Variants in LRRC37A2 observed in about 807,000 individuals in gnomAD.
LRRC37A2 encodes the protein leucine rich repeat containing 37 member A2.
Under a neutral mutation model 68.8 loss-of-function variants are expected in LRRC37A2, and 9 were observed. The ratio of observed to expected loss-of-function variants is 0.13; its 90% CI spans 0.08 to 0.23. The LOEUF (loss-of-function observed/expected upper bound fraction) is 0.23, where lower values mean the gene tolerates loss of function less well. LRRC37A2 is among the 10% of genes least tolerant of loss of function. The pLI is 1.00. For synonymous variants in LRRC37A2, 63 were observed against 367.6 expected (o/e 0.17, Z 9.48); for missense variants, 168 against 950.4 (o/e 0.18, Z 10.82).
At chr17:46,833,000 G>T in the LRRC37A2 span, 1 of 239,758 alleles carries the variant, frequency 4.2e-6, no homozygotes, top group Non-Finnish European at 8.3e-6. Flanking sequence ...GTGGGAACAG[G>T]CCCCTTTAGG....
At chr17:46,760,277 G>A in the LRRC37A2 span, among the ~76,000 whole-genome samples, 638 of 151,904 alleles carry the variant, frequency 4.2e-3, 4 homozygotes, top group African/African-American at 0.014. Context: ...CTAATCATAC[G>A]ATTACAAATG....
At chr17:46,825,838 A>G in the LRRC37A2 span, among the ~76,000 whole-genome samples, 2,597 of 152,344 alleles carry the variant, frequency 0.017, 85 homozygotes, top group African/African-American at 0.06. Flanking sequence ...AGCCTGGCCA[A>G]TGTGGCAAAA....
chr17:47,038,195 A>T, the LRRC37A2 span, among the ~76,000 whole-genome samples: 1 of 152,066 alleles, frequency 6.6e-6, no homozygotes, highest in African/African-American at 2.4e-5. Context: ...AGTCACAGCT[A>T]CTCTGGTGGC....
At chr17:47,019,366 T>C in the LRRC37A2 span, 1 of 1,610,462 alleles carries the variant, frequency 6.2e-7, no homozygotes, top group Non-Finnish European at 8.5e-7. Flanking sequence ...GACCTGGAGC[T>C]TACCATAACT....
chr17:46,734,912 G>A, the LRRC37A2 span, among the ~76,000 whole-genome samples: 2 of 152,090 alleles, frequency 1.3e-5, no homozygotes, highest in South Asian at 2.1e-4. Context: ...TTAGTCGAAT[G>A]TGGTGGTGAG....
At chr17:46,849,072 G>A in the LRRC37A2 span, among the ~76,000 whole-genome samples, 1 of 152,208 alleles carries the variant, frequency 6.6e-6, no homozygotes, top group Non-Finnish European at 1.5e-5. Flanking sequence ...AAGCCTCCAT[G>A]GGCAAGCTGG....
At chr17:46,765,605 T>G in the LRRC37A2 span, among the ~76,000 whole-genome samples, 1 of 152,204 alleles carries the variant, frequency 6.6e-6, no homozygotes, top group Non-Finnish European at 1.5e-5. Context: ...AACGACTCTG[T>G]CCCCTGCCAT....
the LRRC37A2 span, chr17:46,940,461 G>C: frequency 6.2e-7 from 1 of 1,610,038 alleles, no homozygotes; most frequent in Non-Finnish European, 8.5e-7. Flanking sequence ...ATTACACACA[G>C]CACTGCTGCG....
At chr17:46,936,934 TTCTC>T in the LRRC37A2 span, 3 of 477,224 alleles carry the variant, frequency 6.3e-6, no homozygotes, top group Non-Finnish European at 8.2e-6. Context: ...CTTTCCTTGT[TTCTC>T]TCAGTTGCTC....
the LRRC37A2 span, among the ~76,000 whole-genome samples, chr17:46,866,972 C>T: frequency 6.6e-6 from 1 of 152,332 alleles, no homozygotes; most frequent in East Asian, 1.9e-4. Flanking sequence ...CTCTTGCCTC[C>T]TCCTCACCCC....
the LRRC37A2 span, among the ~76,000 whole-genome samples, chr17:46,973,361 C>T: frequency 1.4e-3 from 212 of 152,196 alleles, 2 homozygotes; most frequent in East Asian, 0.012. Context: ...GGGGGTCCCA[C>T]TGTGTTGCCC....
At chr17:46,955,685 A>G in the LRRC37A2 span, 12 of 152,100 alleles carry the variant, frequency 7.9e-5, no homozygotes, top group African/African-American at 2.9e-4. Context: ...TTCTGCACTC[A>G]CCTCCTCCAG....
chr17:46,894,286 C>A, the LRRC37A2 span, among the ~76,000 whole-genome samples: 45,405 of 152,054 alleles, frequency 0.3, 6,903 homozygotes, highest in Admixed American at 0.34. Context: ...AACTTCACAG[C>A]GGGCAATGTG....
At chr17:46,900,200 T>TACAC in the LRRC37A2 span, among the ~76,000 whole-genome samples, 18 of 100,942 alleles carry the variant, frequency 1.8e-4, no homozygotes, top group African/African-American at 5.5e-4. Flanking sequence ...TATATATATA[T>TACAC]ATACACACAC....
the LRRC37A2 span, among the ~76,000 whole-genome samples, chr17:46,959,856 C>T: frequency 6.6e-6 from 1 of 152,214 alleles, no homozygotes; most frequent in Non-Finnish European, 1.5e-5. Context: ...AGCTGACTTT[C>T]TTCCCTCTCC....
the LRRC37A2 span, among the ~76,000 whole-genome samples, chr17:46,718,692 G>A: frequency 6.6e-6 from 1 of 152,248 alleles, no homozygotes; most frequent in East Asian, 1.9e-4. Context: ...CCTTGGATAT[G>A]TCATTTAACC....
chr17:46,808,951 C>T, the LRRC37A2 span, among the ~76,000 whole-genome samples: 2 of 152,188 alleles, frequency 1.3e-5, no homozygotes, highest in Non-Finnish European at 2.9e-5. Flanking sequence ...CTGTTAGCTA[C>T]ATGACCTGAG....
chr17:47,033,163 G>T, the LRRC37A2 span: 1 of 581,576 alleles, frequency 1.7e-6, no homozygotes, highest in East Asian at 2.8e-5. Context: ...TTTGCAGTGA[G>T]CCAAGATCAC....
chr17:47,043,590 G>A, the LRRC37A2 span, among the ~76,000 whole-genome samples: 1 of 151,344 alleles, frequency 6.6e-6, no homozygotes, highest in Admixed American at 6.6e-5. Context: ...ATGTAAGAAA[G>A]GCTGTGATGT....
Sources: gnomAD v4.1 joint callset for allele counts (sites outside exome capture counted in the v4.1 genomes callset) on GRCh38, gnomAD v4.1.1 for gene constraint, MANE v1.5 for transcripts, NCBI Gene and HGNC (gene_info 2026-07-23, HGNC 2026-07-21) for gene names.